TIAM1: variants seen among roughly 807,000 people sequenced by gnomAD.
TIAM1 encodes the protein TIAM Rac1 associated GEF 1.
Under a neutral mutation model 163.5 loss-of-function variants are expected in TIAM1, and 65 were observed. That is an observed-to-expected ratio of 0.40 (90% CI 0.33 to 0.49). The LOEUF is 0.49. TIAM1 is among the 20% of genes least tolerant of loss of function. The probability of loss-of-function intolerance (pLI) is 0.77; values close to 1 mark genes in which losing one functional copy is unlikely to be tolerated. For synonymous variants in TIAM1, 833 were observed against 810.1 expected (o/e 1.03, Z -0.48); for missense variants, 1,789 against 2,044.7 (o/e 0.87, Z 2.41).
intron 2 of TIAM1, among the ~76,000 whole-genome samples, chr21:31,426,295 C>T (rs986047700): frequency 2.6e-5 from 4 of 152,108 alleles, no homozygotes; most frequent in Non-Finnish European, 4.4e-5. Context: ...CATTCCTTAC[C>T]CCAAATGAGA....
chr21:31,465,092 G>A (rs945900990), intron 1 of TIAM1, among the ~76,000 whole-genome samples: 26 of 151,752 alleles, frequency 1.7e-4, no homozygotes, highest in African/African-American at 6.3e-4. Context: ...CAGCGACTAG[G>A]AAGGCTGCGG....
In TIAM1 at chr21:31,373,062, AAAAAAAG is replaced by A. The variant is rs1400204384; in HGVS notation, c.-368-33647_-368-33641del. 4.6e-3 allele frequency among the ~76,000 whole-genome samples: 684 copies of A among 149,270 alleles called. 4 individuals are homozygous for A. The highest frequency in any genetic ancestry group is 0.016 in the African/African-American group (643 of 40,254). Reference sequence around the variant, plus strand: ...AAGAGCAAAACTCTGTCTCAAAAAAAAAAAAAGAAAAGAAAAGAAAAGAAAAAGAAAG... The same window carrying A: ...AAGAGCAAAACTCTGTCTCAAAAAAAAAAAGAAAAGAAAAGAAAAAGAAAG... On this transcript the variant is annotated intron_variant, in intron 2 of 28. Transcript: ENST00000286827.
chr21:31,434,341 G>A (rs758413063), intron 2 of TIAM1, among the ~76,000 whole-genome samples: 5 of 152,138 alleles, frequency 3.3e-5, no homozygotes, highest in Admixed American at 6.5e-5. Flanking sequence ...TGAGCATTAC[G>A]ATCTGCCCCA....
intron 2 of TIAM1, among the ~76,000 whole-genome samples, chr21:31,448,745 C>G (rs1400573555): frequency 6.6e-6 from 1 of 152,096 alleles, no homozygotes; most frequent in East Asian, 1.9e-4. Context: ...CTCAAGACTC[C>G]ACAATCAGAA....
chr21:31,198,457 T>G lies in TIAM1; in HGVS notation c.2494-3152A>C, dbSNP rs2250740. On this transcript the variant is annotated intron_variant, in intron 12 of 27. Coordinates refer to ENST00000541036, the MANE Select transcript of TIAM1 (RefSeq NM_001353694.2). ...TGGTTTCAGTGTTATACTTTAGAAA[T>G]GTTTCATACTGATACATTTACAAAT... Among the ~76,000 whole-genome samples, 2,568 of 152,298 alleles carry G rather than the reference T, an allele frequency of 0.017. 229 individuals are homozygous for G. In the East Asian group the frequency reaches 0.27, roughly 16 times the overall value.
intron 13 of TIAM1, among the ~76,000 whole-genome samples, chr21:31,188,798 T>C (rs2085416426): frequency 6.6e-6 from 1 of 152,110 alleles, no homozygotes; most frequent in South Asian, 2.1e-4. Flanking sequence ...GGTCTCAAAC[T>C]CCTGGCCTCA....
chr21:31,131,069 T>A, intron 23 of TIAM1, 121 bp from the exon 24 acceptor site: 1 of 725,664 alleles, frequency 1.4e-6, no homozygotes. Flanking sequence ...CCCAGTTAAC[T>A]GACTCCCACC....
At chr21:31,292,791 T>G (rs980927813) in intron 2 of TIAM1, among the ~76,000 whole-genome samples, 4 of 151,510 alleles carry the variant, frequency 2.6e-5, no homozygotes, top group Non-Finnish European at 5.9e-5. Flanking sequence ...GCCTCAGCCC[T>G]CCAGGTAGCT....
At chr21:31,342,592 T>A (rs552404175) in intron 1 of TIAM1, among the ~76,000 whole-genome samples, 14 of 152,278 alleles carry the variant, frequency 9.2e-5, no homozygotes, top group African/African-American at 3.4e-4. Flanking sequence ...AGCATTATCA[T>A]GAGATCCAAT....
At chr21:31,291,041 A>G (rs1186124021) in intron 2 of TIAM1, among the ~76,000 whole-genome samples, 3 of 152,222 alleles carry the variant, frequency 2.0e-5, no homozygotes. Context: ...AAACCGCACC[A>G]TATGTAGAAG....
chr21:31,130,435 C>T (rs1256228075), intron 24 of TIAM1, 120 bp from the exon 25 acceptor site: 4 of 738,838 alleles, frequency 5.4e-6, no homozygotes, highest in Non-Finnish European at 9.3e-6. Flanking sequence ...CCCAAAGGAT[C>T]TTCACCCCCA....
chr21:31,170,254 C>A (rs1045032933), intron 15 of TIAM1, among the ~76,000 whole-genome samples: 2 of 152,200 alleles, frequency 1.3e-5, no homozygotes, highest in Non-Finnish European at 2.9e-5. Context: ...AAATGTCAGA[C>A]ACAATCGATT....
chr21:31,282,981 T>C (rs1224930020), intron 2 of TIAM1, among the ~76,000 whole-genome samples: 2 of 152,262 alleles, frequency 1.3e-5, no homozygotes, highest in Non-Finnish European at 1.5e-5. Context: ...TTGGGAACTA[T>C]CTAAAATCAT....
chr21:31,156,875 T>C (rs990797569), intron 16 of TIAM1, among the ~76,000 whole-genome samples: 2 of 152,210 alleles, frequency 1.3e-5, no homozygotes, highest in Admixed American at 6.5e-5. Context: ...AAATGTATAA[T>C]TGGCACCTCG....
chr21:31,399,678 A>C (rs2077132027), intron 2 of TIAM1, among the ~76,000 whole-genome samples: 1 of 152,198 alleles, frequency 6.6e-6, no homozygotes, highest in African/African-American at 2.4e-5. Context: ...GTGTTATCTG[A>C]AATTTTCCAA....
At chr21:31,211,987 T>G (rs1224758469) in intron 10 of TIAM1, among the ~76,000 whole-genome samples, 1 of 152,240 alleles carries the variant, frequency 6.6e-6, no homozygotes, top group African/African-American at 2.4e-5. Context: ...AATAATGGTA[T>G]GCAAGATGAA....
chr21:31,155,710 T>C (rs1601329205), intron 16 of TIAM1, among the ~76,000 whole-genome samples: 1 of 152,100 alleles, frequency 6.6e-6, no homozygotes, highest in African/African-American at 2.4e-5. Context: ...TTCAACATGT[T>C]GGCCAGGATG....
intron 2 of TIAM1, among the ~76,000 whole-genome samples, chr21:31,422,111 G>A (rs191920309): frequency 2.0e-5 from 3 of 152,256 alleles, no homozygotes; most frequent in Admixed American, 6.5e-5. Context: ...AGAGAACTGC[G>A]AGAGAATATA....
intron 8 of TIAM1, among the ~76,000 whole-genome samples, chr21:31,219,840 A>G (rs149164470): frequency 0.012 from 1,782 of 152,326 alleles, 40 homozygotes; most frequent in African/African-American, 0.041. Context: ...CTAAGATTAC[A>G]CCGGAGGTGT....
Sources: gnomAD v4.1 joint callset for allele counts (sites outside exome capture counted in the v4.1 genomes callset) on GRCh38, gnomAD v4.1.1 for gene constraint, MANE v1.5 for transcripts, NCBI Gene and HGNC (gene_info 2026-07-23, HGNC 2026-07-21) for gene names.